Variants in ADAMTSL1 observed in about 807,000 individuals in gnomAD.
ADAMTSL1 encodes the protein ADAMTS-like protein 1.
Under a neutral mutation model 201.8 loss-of-function variants are expected in ADAMTSL1, and 126 were observed. The ratio of observed to expected loss-of-function variants is 0.62; its 90% confidence interval spans 0.54 to 0.72. The LOEUF is 0.72. Among genes scored for constraint, ADAMTSL1 ranks in the 30% least tolerant of loss-of-function variants. The pLI is 0.00. For synonymous variants in ADAMTSL1, 1,121 were observed against 903.4 expected (o/e 1.24, Z -4.32); for missense variants, 2,679 against 2,277.8 (o/e 1.18, Z -3.59).
At chr9:18,874,109 A>G (rs1219092264) in intron 23 of ADAMTSL1, among the ~76,000 whole-genome samples, 1 of 152,116 alleles carries the variant, frequency 6.6e-6, no homozygotes, top group Non-Finnish European at 1.5e-5. Flanking sequence ...CTGTAGTTGT[A>G]TAGCAGGGCT....
intron 7 of ADAMTSL1, among the ~76,000 whole-genome samples, chr9:18,646,014 T>C (rs1344344907): frequency 2.0e-5 from 3 of 152,164 alleles, no homozygotes; most frequent in African/African-American, 4.8e-5. Flanking sequence ...ATTCTTCCTA[T>C]CCATGAGCAT....
At chr9:18,477,599 C>A (rs1189227713) in intron 1 of ADAMTSL1, among the ~76,000 whole-genome samples, 1 of 152,182 alleles carries the variant, frequency 6.6e-6, no homozygotes, top group Non-Finnish European at 1.5e-5. Context: ...CATGCACAAG[C>A]ACTTTTCTAT....
chr9:18,538,777 A>T (rs899790566), intron 3 of ADAMTSL1, among the ~76,000 whole-genome samples: 8 of 152,098 alleles, frequency 5.3e-5, no homozygotes, highest in Non-Finnish European at 1.2e-4. Context: ...CATTTGGTCT[A>T]TTTGTCTATT....
At chr9:18,786,692 A>G (rs1400971893) in intron 19 of ADAMTSL1, among the ~76,000 whole-genome samples, 1 of 152,204 alleles carries the variant, frequency 6.6e-6, no homozygotes, top group Non-Finnish European at 1.5e-5. Flanking sequence ...TTTGAGGAAC[A>G]TCTAGGTAGT....
chr9:17,929,143 TAA>T (rs1362817092), intron 1 of ADAMTSL1, among the ~76,000 whole-genome samples: 2 of 152,144 alleles, frequency 1.3e-5, no homozygotes, highest in Admixed American at 6.5e-5. Context: ...TAAAAACTTT[TAA>T]AACACAAACA....
At chr9:18,751,147 C>G (rs1819448487) in intron 15 of ADAMTSL1, among the ~76,000 whole-genome samples, 1 of 152,172 alleles carries the variant, frequency 6.6e-6, no homozygotes, top group Non-Finnish European at 1.5e-5. Context: ...TATCTTAAAA[C>G]CAATAACACC....
chr9:18,605,589 G>A (rs1395348603), intron 4 of ADAMTSL1, among the ~76,000 whole-genome samples: 1 of 152,168 alleles, frequency 6.6e-6, no homozygotes, highest in African/African-American at 2.4e-5. Flanking sequence ...TTTTGGTGTA[G>A]GCCCAGAGAC....
At chr9:18,056,198 C>T (rs77765077) in intron 1 of ADAMTSL1, among the ~76,000 whole-genome samples, 13 of 149,564 alleles carry the variant, frequency 8.7e-5, no homozygotes, top group Admixed American at 8.0e-4. Context: ...ATATCAATAT[C>T]CAAAAAAGCA....
At chr9:18,205,344 T>A (rs1829604606) in intron 2 of ADAMTSL1, among the ~76,000 whole-genome samples, 1 of 152,134 alleles carries the variant, frequency 6.6e-6, no homozygotes, top group Non-Finnish European at 1.5e-5. Context: ...AAATACACAA[T>A]AACATCTTAG....
At chr9:18,835,698 A>G (rs1205661693) in intron 23 of ADAMTSL1, among the ~76,000 whole-genome samples, 1 of 151,812 alleles carries the variant, frequency 6.6e-6, no homozygotes, top group Non-Finnish European at 1.5e-5. Flanking sequence ...TACTGTTGCC[A>G]TTTTTATGTC....
At chr9:18,286,583 TAA>T (rs1297384398) in intron 2 of ADAMTSL1, among the ~76,000 whole-genome samples, 12 of 120,304 alleles carry the variant, frequency 1.0e-4, no homozygotes, top group African/African-American at 1.3e-4. Context: ...TTTTCAGATA[TAA>T]TCATTTTAAT....
intron 1 of ADAMTSL1, among the ~76,000 whole-genome samples, chr9:18,503,389 T>G (rs1822942561): frequency 7.1e-6 from 1 of 140,350 alleles, no homozygotes; most frequent in Non-Finnish European, 1.6e-5. Context: ...CTAAATTTTC[T>G]TCCTTTTTAA....
intron 2 of ADAMTSL1, among the ~76,000 whole-genome samples, chr9:18,271,350 C>T (rs1026723528): frequency 2.6e-5 from 4 of 151,914 alleles, no homozygotes; most frequent in African/African-American, 7.2e-5. Context: ...CCCCACAACC[C>T]GGTGTGTGAT....
chr9:18,623,480 G>T (rs1361269721), intron 5 of ADAMTSL1, among the ~76,000 whole-genome samples: 1 of 152,034 alleles, frequency 6.6e-6, no homozygotes, highest in Non-Finnish European at 1.5e-5. Context: ...TGTTTCTCTG[G>T]ACTGGTCACA....
chr9:18,184,066 C>G (rs1263771781), intron 2 of ADAMTSL1, among the ~76,000 whole-genome samples: 2 of 152,164 alleles, frequency 1.3e-5, no homozygotes, highest in Non-Finnish European at 2.9e-5. Flanking sequence ...CATCATCCAA[C>G]AGATAATTCC....
intron 12 of ADAMTSL1, among the ~76,000 whole-genome samples, chr9:18,683,306 C>G (rs928463258): frequency 3.3e-5 from 5 of 150,382 alleles, no homozygotes; most frequent in South Asian, 2.1e-4. Flanking sequence ...CTCACTGCAA[C>G]CTCTGCCTCC....
At chr9:18,469,128 G>C (rs1318650193), upstream of ADAMTSL1, among the ~76,000 whole-genome samples, 2 of 152,110 alleles carry the variant, frequency 1.3e-5, no homozygotes, top group Non-Finnish European at 2.9e-5. Flanking sequence ...TTACCTAAAA[G>C]TCTGTGTATA....
chr9:18,601,566 G>A (rs2184002), intron 4 of ADAMTSL1, among the ~76,000 whole-genome samples: 74,702 of 151,642 alleles, frequency 0.49, 19,124 homozygotes, highest in Middle Eastern at 0.64. Flanking sequence ...ACACAGTCAT[G>A]GCCAGTGAGG....
chr9:17,913,749 G>A (rs1053774129), intron 1 of ADAMTSL1, among the ~76,000 whole-genome samples: 7 of 152,058 alleles, frequency 4.6e-5, no homozygotes, highest in African/African-American at 1.7e-4. Context: ...TTTTTGAACG[G>A]ATCAACAAAA....
Sources: gnomAD v4.1 joint callset for allele counts (sites outside exome capture counted in the v4.1 genomes callset) on GRCh38, gnomAD v4.1.1 for gene constraint, MANE v1.5 for transcripts, NCBI Gene and HGNC (gene_info 2026-07-23, HGNC 2026-07-21) for gene names.